VPS13C: variants seen among roughly 807,000 people sequenced by gnomAD.
VPS13C encodes vacuolar protein sorting 13 homolog C.
A neutral mutation model predicts 456.8 loss-of-function variants in VPS13C; 358 were observed. The observed-to-expected ratio is 0.78, with a 90% CI of 0.72 to 0.86. The LOEUF is 0.86. VPS13C is among the 40% of genes least tolerant of loss of function. The probability of loss-of-function intolerance (pLI) is 0.00; values close to 1 mark genes in which losing one functional copy is unlikely to be tolerated. For synonymous variants in VPS13C, 1,578 were observed against 1,486.7 expected, an observed-to-expected ratio of 1.06 and a Z score of -1.41; for missense variants, 4,818 against 4,385.4, an observed-to-expected ratio of 1.10 and a Z score of -2.79.
intron 61 of VPS13C, among the ~76,000 whole-genome samples, chr15:61,913,902 G>C (rs1337344159): frequency 1.3e-5 from 2 of 152,090 alleles, no homozygotes; most frequent in Non-Finnish European, 2.9e-5. Flanking sequence ...TAGACAGAGA[G>C]ATTAGGAAAT....
At position 61,876,964 on chromosome 15, in the gene VPS13C, G is replaced by C; in HGVS notation, c.10224+9C>G. On this transcript the variant is annotated intron_variant, in intron 75 of 84. Transcript: ENST00000644861. ...ATATTCCTTATGAAATACTATGATA[G>C]GAAATTACCTGTTCACTGTAATGCC... 1 of 1,584,662 alleles carries C rather than the reference G, an allele frequency of 6.3e-7. No homozygotes were observed. The highest frequency in any genetic ancestry group is 8.6e-7 in the Non-Finnish European group (1 of 1,160,286).
In VPS13C at chr15:61,991,819, A is replaced by T; in HGVS notation, c.1354-17T>A. ...CCGAATCACCTGAAAAATAAAAATT[A>T]AAAAATTTACTTTAAGAATGTTGCC... is the stretch of plus-strand genomic sequence containing the variant. On this transcript the variant is annotated splice_polypyrimidine_tract_variant and intron_variant, in intron 16 of 84. Coordinates refer to ENST00000644861, the MANE Select transcript of VPS13C (RefSeq NM_020821.3). The T allele has an allele frequency of 6.2e-7, 1 of 1,606,792 alleles. No homozygotes were observed. The highest frequency in any genetic ancestry group is 8.5e-7 in the Non-Finnish European group (1 of 1,177,386).
intron 18 of VPS13C, among the ~76,000 whole-genome samples, chr15:61,990,485 G>A (rs1306957067): frequency 6.6e-6 from 1 of 152,034 alleles, no homozygotes; most frequent in African/African-American, 2.4e-5. Flanking sequence ...ACTTTTGTCA[G>A]GTTATTCTTA....
rs370493070 is a variant in VPS13C, at chr15:61,961,699, A to G, written c.3798T>C (p.Leu1266=). ...SISTNAVVVD[L]GLIRVHNQFS... is the part of the protein sequence containing the mutation. ...ACTGATTATGAACTCTGATTAACCC[A>G]AGATCTACCACTACTGCATTGGTGG... The change falls in exon 35 of 85, where the codon CTT becomes CTC. Residue 1266 remains leucine, a synonymous_variant. Transcript: ENST00000644861. 11 of 1,613,770 alleles carry G rather than the reference A, an allele frequency of 6.8e-6. No homozygotes were observed. Among genetic ancestry groups the G allele is most frequent in the Non-Finnish European group, 7.6e-6 (9 of 1,179,916 alleles).
At chr15:61,958,958 A>G (rs1596383567) in intron 36 of VPS13C, among the ~76,000 whole-genome samples, 1 of 152,046 alleles carries the variant, frequency 6.6e-6, no homozygotes, top group Non-Finnish European at 1.5e-5. Flanking sequence ...TATTGGCTCC[A>G]ATGACTTGAC....
chr15:62,044,310 C>T, intron 1 of VPS13C, 55 bp from the exon 2 acceptor site: 1 of 1,127,718 alleles, frequency 8.9e-7, no homozygotes. Flanking sequence ...ATTTTTAAAC[C>T]TATCACAATG....
chr15:62,026,339 C>T (rs527849100), intron 6 of VPS13C, among the ~76,000 whole-genome samples: 1 of 151,984 alleles, frequency 6.6e-6, no homozygotes, highest in African/African-American at 2.4e-5. Context: ...CTGAATTATG[C>T]AAATCTTCCA....
intron 48 of VPS13C, among the ~76,000 whole-genome samples, chr15:61,935,094 T>C (rs1432220327): frequency 6.6e-6 from 1 of 152,130 alleles, no homozygotes; most frequent in Non-Finnish European, 1.5e-5. Context: ...ATTTTCTTTA[T>C]CAGAAGAACA....
At chr15:61,924,213 A>G (rs2043765500) in intron 53 of VPS13C, among the ~76,000 whole-genome samples, 1 of 152,112 alleles carries the variant, frequency 6.6e-6, no homozygotes, top group African/African-American at 2.4e-5. Flanking sequence ...GCCTTTGTGC[A>G]TATTATCAGT....
intron 9 of VPS13C, 67 bp from the exon 10 acceptor site, chr15:62,014,059 C>T (rs1354078201): frequency 6.2e-6 from 7 of 1,125,558 alleles, no homozygotes; most frequent in Non-Finnish European, 9.0e-6. Flanking sequence ...CTAATACTTA[C>T]ATAATGTAAC....
chr15:61,900,823 C>G (rs954717276), intron 66 of VPS13C, among the ~76,000 whole-genome samples: 3 of 151,720 alleles, frequency 2.0e-5, no homozygotes, highest in Non-Finnish European at 2.9e-5. Flanking sequence ...GCCAAAAGAA[C>G]AAAGCTGGAG....
In VPS13C at chr15:61,985,046, T is replaced by C. The variant is rs1289952920; in HGVS notation, c.1579-47A>G. The C allele has an allele frequency of 5.5e-6, 7 of 1,265,812 alleles. 1 individual carries two copies. Among genetic ancestry groups the C allele is most frequent in the Non-Finnish European group, 7.2e-6 (7 of 969,576 alleles). 78.4% of individuals were successfully genotyped at this position (1,265,812 alleles called of 1,614,324 possible). A position where few individuals can be genotyped will look rare whatever the true frequency, so the allele number is the denominator to read the frequency against. ...AAAATTGTTAAAGTTTAAATAATTATTACTTTCTTTAATAATTTCTTATTT... is the reference window on the plus strand; with the variant it reads ...AAAATTGTTAAAGTTTAAATAATTACTACTTTCTTTAATAATTTCTTATTT... On this transcript the variant is annotated intron_variant, in intron 18 of 84. Transcript: ENST00000644861.
intron 50 of VPS13C, 95 bp downstream of exon 50, chr15:61,930,995 C>G: frequency 7.0e-7 from 1 of 1,436,874 alleles, no homozygotes. Context: ...AGACAGAGAT[C>G]TTTTTTGGAT....
chr15:62,049,228 TG>T (rs1282728600), intron 1 of VPS13C, among the ~76,000 whole-genome samples: 1 of 152,250 alleles, frequency 6.6e-6, no homozygotes, highest in Non-Finnish European at 1.5e-5. Flanking sequence ...AGGGTTTTTA[TG>T]GTTTTAGGTC....
In VPS13C at chr15:61,954,452, A is replaced by G. The variant is rs745544876; in HGVS notation, c.4268T>C (p.Ile1423Thr). The change falls in exon 38 of 85, where the codon ATT becomes ACT. Residue 1423 changes from isoleucine to threonine, a missense_variant. Physicochemically the swap from Ile to Thr is moderately conservative, Grantham distance 89 (BLOSUM62 -1). This residue lies in a region of VPS13C where 4,552 missense variants were observed against 4,130.6 expected (regional missense o/e 1.10). Transcript: ENST00000644861. ...AATTTCAAAATTCAGCAGCATATTA[A>G]TGATGTCTACAGACCTAATTTCTTC... ...GVEEIRSVDI[I>T]NMLLNFEIKE... 1 of 1,606,808 alleles carries G rather than the reference A, an allele frequency of 6.2e-7. No individual in the cohort carries two copies. The highest frequency in any genetic ancestry group is 8.5e-7 in the Non-Finnish European group (1 of 1,177,616).
intron 82 of VPS13C, among the ~76,000 whole-genome samples, chr15:61,857,494 T>A (rs1484948867): frequency 6.6e-6 from 1 of 152,110 alleles, no homozygotes; most frequent in Non-Finnish European, 1.5e-5. Context: ...GAATACAAGA[T>A]AGATACCATG....
Position 61,867,796 on chromosome 15 carries a change from T to C in VPS13C, c.10863+863A>G. 6.6e-7 allele frequency: 1 copy of C among 1,511,276 alleles called. No individual in the cohort carries two copies. Among genetic ancestry groups the C allele is most frequent in the South Asian group, 1.3e-5 (1 of 77,550 alleles). 93.6% of individuals were successfully genotyped at this position (1,511,276 alleles called of 1,614,324 possible). A position where few individuals can be genotyped will look rare whatever the true frequency, so the allele number is the denominator to read the frequency against. On this transcript the variant is annotated intron_variant, in intron 81 of 84. Coordinates refer to ENST00000644861, the MANE Select transcript of VPS13C (RefSeq NM_020821.3). This position sits in a 1 kb window ranked among gnomAD's most constrained non-coding sequence, Gnocchi z 5.0. ...TAGTCAATCCCACTACTATGAAAAGTTCAGATGGAGGTGAGAGTTTTAAAG... is the reference window on the plus strand; with the variant it reads ...TAGTCAATCCCACTACTATGAAAAGCTCAGATGGAGGTGAGAGTTTTAAAG...
intron 84 of VPS13C, among the ~76,000 whole-genome samples, 153 bp from the exon 85 acceptor site, chr15:61,854,711 AC>A (rs1893812581): frequency 6.6e-6 from 1 of 152,098 alleles, no homozygotes; most frequent in Non-Finnish European, 1.5e-5. Flanking sequence ...TAAAAATAAG[AC>A]CCTTGCACCC....
chr15:61,906,160 T>C (rs1184624202), intron 66 of VPS13C, among the ~76,000 whole-genome samples: 1 of 152,160 alleles, frequency 6.6e-6, no homozygotes, highest in Non-Finnish European at 1.5e-5. Flanking sequence ...AATGTATGAT[T>C]TTCTTTGAAC....
Sources: gnomAD v4.1 joint callset for allele counts (sites outside exome capture counted in the v4.1 genomes callset) on GRCh38, gnomAD v4.1.1 for gene constraint, gnomAD v4.1.1 regional missense constraint, Gnocchi (gnomAD v3.1) non-coding constraint, MANE v1.5 for transcripts, NCBI Gene and HGNC (gene_info 2026-07-23, HGNC 2026-07-21) for gene names.